Variants in STAB2 observed in about 807,000 individuals in gnomAD.
STAB2 encodes stabilin-2.
In STAB2, 288 loss-of-function variants were observed where a neutral mutation model predicts 338.1. That is an observed-to-expected ratio of 0.85 (90% CI 0.77 to 0.94). The LOEUF (loss-of-function observed/expected upper bound fraction) is 0.94. STAB2 is among the 40% of genes least tolerant of loss of function. STAB2 has a pLI of 0.00. For missense variants in STAB2, 3,141 were observed against 3,210.1 expected, an observed-to-expected ratio of 0.98 and a Z score of 0.52; for synonymous variants, 1,202 against 1,193.3, an observed-to-expected ratio of 1.01 and a Z score of -0.15.
intron 6 of STAB2, among the ~76,000 whole-genome samples, chr12:103,635,520 T>C (rs1442036203): frequency 6.6e-6 from 1 of 152,194 alleles, no homozygotes; most frequent in African/African-American, 2.4e-5. Flanking sequence ...CACTGTCCAG[T>C]GCTTGACTCA....
chr12:103,737,589 TCTCTCTCTCTCTTTCTC>T, intron 52 of STAB2, 28 bp from the exon 53 acceptor site: 1 of 1,392,256 alleles, frequency 7.2e-7, no homozygotes, highest in East Asian at 2.5e-5. Flanking sequence ...TCTCTCTCTC[TCTCTCTCTCTCTTTCTC>T]TTTTTTTTTT....
chr12:103,592,629 A>G (rs1016894758), intron 2 of STAB2, among the ~76,000 whole-genome samples: 6 of 152,226 alleles, frequency 3.9e-5, no homozygotes, highest in African/African-American at 1.4e-4. Context: ...AGTACAATCC[A>G]TGAAACCAAC....
At chr12:103,593,773 A>G (rs1425167663) in intron 2 of STAB2, among the ~76,000 whole-genome samples, 1 of 152,254 alleles carries the variant, frequency 6.6e-6, no homozygotes, top group East Asian at 1.9e-4. Flanking sequence ...TCCTAGAATA[A>G]GCCATGCCTG....
chr12:103,676,072 T>C (rs755978799), intron 24 of STAB2, 51 bp downstream of exon 24: 3 of 1,412,400 alleles, frequency 2.1e-6, no homozygotes, highest in South Asian at 2.6e-5. Context: ...TTTTTTTTTT[T>C]TTTTTTTGAG....
At position 103,648,712 on chromosome 12, in the gene STAB2, G is replaced by T; in HGVS notation, c.1063G>T (p.Val355Leu). 2 of 1,614,030 alleles carry T rather than the reference G, an allele frequency of 1.2e-6. No individual in the cohort carries two copies. Among genetic ancestry groups the T allele is most frequent in the Non-Finnish European group, 1.7e-6 (2 of 1,179,966 alleles). The change falls in exon 10 of 69, where the codon GTG (valine) becomes TTG (leucine). Residue 355 changes from valine (V) to leucine (L), a missense_variant. Coordinates refer to ENST00000388887, the MANE Select transcript of STAB2 (RefSeq NM_017564.10). ...TAGATGCATTTGCCAGAAAGGTTAC[G>T]TGGGTGATGGCTTAACGTGTTATGG... ...RTECICQKGY[V>L]GDGLTCYGNI... is the part of the protein sequence containing the mutation.
rs757271081 is a variant in STAB2, at chr12:103,660,391, C to T, written c.1788+7C>T. On this transcript the variant is annotated splice_region_variant and intron_variant, in intron 16 of 68. Transcript: ENST00000388887. ...CATTGTCCCATTTACCCAGGTTGGC[C>T]CCACTTTTCCTGCTGCTACTTTCTC... 1 of 1,614,058 alleles carries T rather than the reference C, an allele frequency of 6.2e-7. No homozygotes were observed. Among genetic ancestry groups the T allele is most frequent in the Admixed American group, 1.7e-5 (1 of 60,006 alleles).
intron 53 of STAB2, among the ~76,000 whole-genome samples, chr12:103,739,111 G>T (rs1008573034): frequency 2.0e-5 from 3 of 151,742 alleles, no homozygotes; most frequent in African/African-American, 7.3e-5. Context: ...AAGTCGCTGG[G>T]ACTACAGGTT....
Position 103,746,626 on chromosome 12 carries a change from TCTG to T in STAB2, c.6169_6171del (p.Ala2057del), listed in dbSNP as rs1222697713. The stretch of plus-strand genomic sequence containing the variant: ...GCCTGCAGTGTGTACGCCTCCTTGT[TCTG>T]CTCATGCCACCTGTAAGGAGAACAA... On this transcript the variant is annotated inframe_deletion, in exon 58 of 69. Transcript: ENST00000388887. 6.2e-7 allele frequency: 1 copy of T among 1,614,022 alleles called. No homozygotes were observed. The highest frequency in any genetic ancestry group is 8.5e-7 in the Non-Finnish European group (1 of 1,179,964).
chr12:103,713,615 C>T (rs1441720087), intron 41 of STAB2, 28 bp from the exon 42 acceptor site: 11 of 1,611,378 alleles, frequency 6.8e-6, no homozygotes, highest in African/African-American at 2.7e-5. Context: ...CTTCCCTCTC[C>T]CCTTCTGCTC....
Position 103,766,469 on chromosome 12 carries a change from G to A in STAB2, c.*133G>A, listed in dbSNP as rs1200958874. ...GAAGCCATACCTCATCTCTCTGGCT[G>A]ATCTGGGGGTTGTTTCTGTGGGTGA... On this transcript the variant is annotated 3_prime_UTR_variant, in exon 69 of 69. Transcript: ENST00000388887. The A allele has an allele frequency of 2.3e-5, 24 of 1,035,500 alleles. No individual in the cohort carries two copies. The East Asian group carries it at 6.2e-4, about 27-fold the overall frequency. 64.1% of individuals were successfully genotyped at this position (1,035,500 alleles called of 1,614,324 possible). A position where few individuals can be genotyped will look rare whatever the true frequency, so the allele number is the denominator to read the frequency against.
At chr12:103,735,933 C>A (rs1233832902) in intron 52 of STAB2, among the ~76,000 whole-genome samples, 1 of 152,164 alleles carries the variant, frequency 6.6e-6, no homozygotes, top group African/African-American at 2.4e-5. Flanking sequence ...TTCCCAGCCC[C>A]ACCACTGTGA....
At chr12:103,597,269 A>G (rs1202026392) in intron 3 of STAB2, among the ~76,000 whole-genome samples, 2 of 152,236 alleles carry the variant, frequency 1.3e-5, no homozygotes, top group Middle Eastern at 3.2e-3. Flanking sequence ...TTCCGTAAGG[A>G]TAAGGCCATT....
chr12:103,653,639 GAT>G (rs1565986648), intron 12 of STAB2, among the ~76,000 whole-genome samples: 6 of 148,976 alleles, frequency 4.0e-5, no homozygotes, highest in African/African-American at 1.5e-4. Context: ...TGGATGGATG[GAT>G]ACATGGATAG....
At chr12:103,749,725 A>G (rs1445163554) in intron 59 of STAB2, among the ~76,000 whole-genome samples, 2 of 151,236 alleles carry the variant, frequency 1.3e-5, no homozygotes, top group African/African-American at 4.9e-5. Context: ...CTGTAGTCCC[A>G]GCTACTCGGG....
chr12:103,727,859 T>A (rs775142146), intron 47 of STAB2, among the ~76,000 whole-genome samples: 1 of 152,138 alleles, frequency 6.6e-6, no homozygotes, highest in Non-Finnish European at 1.5e-5. Context: ...ACAACAACCC[T>A]GTGAGTTCTG....
intron 31 of STAB2, among the ~76,000 whole-genome samples, chr12:103,693,090 G>A (rs1878098047): frequency 5.9e-5 from 9 of 152,068 alleles, no homozygotes. Context: ...TATCCAGCCT[G>A]TATTCTGCAA....
intron 42 of STAB2, among the ~76,000 whole-genome samples, chr12:103,714,504 C>A (rs1244802144): frequency 1.3e-5 from 2 of 152,098 alleles, no homozygotes; most frequent in Non-Finnish European, 1.5e-5. Flanking sequence ...TCGAGACAAG[C>A]CTGGCCAACA....
At chr12:103,736,869 A>G (rs1318065726) in intron 52 of STAB2, among the ~76,000 whole-genome samples, 1 of 152,178 alleles carries the variant, frequency 6.6e-6, no homozygotes, top group Non-Finnish European at 1.5e-5. Context: ...GCTTTCTAAA[A>G]GCATTTTGTA....
At chr12:103,678,934 G>A (rs1239605392) in intron 25 of STAB2, among the ~76,000 whole-genome samples, 1 of 152,196 alleles carries the variant, frequency 6.6e-6, no homozygotes, top group Non-Finnish European at 1.5e-5. Flanking sequence ...AATGAGTGAT[G>A]GAACATCGGT....
Sources: gnomAD v4.1 joint callset for allele counts (sites outside exome capture counted in the v4.1 genomes callset) on GRCh38, gnomAD v4.1.1 for gene constraint, MANE v1.5 for transcripts, NCBI Gene and HGNC (gene_info 2026-07-23, HGNC 2026-07-21) for gene names.